Variants in RPS6KA1 observed in about 807,000 individuals in gnomAD.
The protein encoded by RPS6KA1 is ribosomal protein S6 kinase alpha-1.
Under a neutral mutation model 91.3 loss-of-function variants are expected in RPS6KA1, and 48 were observed. The ratio of observed to expected loss-of-function variants is 0.53; its 90% confidence interval spans 0.42 to 0.67. RPS6KA1 has a LOEUF of 0.67. Ranked by LOEUF, RPS6KA1 falls within the 30% of genes least tolerant of loss-of-function variation. RPS6KA1 has a pLI of 0.00. For synonymous variants in RPS6KA1, 359 were observed against 384.7 expected (o/e 0.93, Z 0.78); for missense variants, 719 against 960.5 (o/e 0.75, Z 3.32).
rs752698278 is a variant in RPS6KA1, at chr1:26,551,773, A to G, written c.468+50A>G. The G allele has an allele frequency of 8.1e-6, 12 of 1,486,884 alleles. No homozygotes were observed. Among genetic ancestry groups the G allele is most frequent in the Admixed American group, 1.7e-5 (1 of 59,688 alleles). 92.1% of individuals were successfully genotyped at this position (1,486,884 alleles called of 1,614,324 possible). On this transcript the variant is annotated intron_variant, in intron 6 of 21. Coordinates refer to ENST00000374168, the MANE Select transcript of RPS6KA1 (RefSeq NM_002953.4). The surrounding 1 kb of genome is among the most constrained non-coding windows in gnomAD (Gnocchi z 4.5). ...GGCCCCGGGATGGAGCTGAGGGACG[A>G]CAAGTCCTCCCATCCCAGGGCCCTG...
intron 1 of RPS6KA1, among the ~76,000 whole-genome samples, chr1:26,535,387 G>GC (rs1176456931): frequency 6.6e-6 from 1 of 152,026 alleles, no homozygotes; most frequent in Admixed American, 6.6e-5. Context: ...GGCTACAGCT[G>GC]CCCCATGGAC....
At chr1:26,536,193 C>G (rs1270110346) in intron 1 of RPS6KA1, among the ~76,000 whole-genome samples, 1 of 148,956 alleles carries the variant, frequency 6.7e-6, no homozygotes, top group Non-Finnish European at 1.5e-5. Context: ...GCCACAGGTG[C>G]GAGGCACTGA....
chr1:26,543,041 C>A, intron 2 of RPS6KA1: 1 of 1,087,528 alleles, frequency 9.2e-7, no homozygotes, highest in Non-Finnish European at 1.3e-6. Flanking sequence ...CCCCTCCTCC[C>A]TGCAGAGGGG....
At chr1:26,567,542 G>A (rs757077398) in intron 17 of RPS6KA1, among the ~76,000 whole-genome samples, 2 of 152,024 alleles carry the variant, frequency 1.3e-5, no homozygotes, top group East Asian at 1.9e-4. Context: ...CACCACGCCC[G>A]GCTAACTTTT....
rs2076085967 is a variant in RPS6KA1 at position 26,554,929 on chromosome 1, G to A, written c.756+191G>A. 6.6e-6 allele frequency among the ~76,000 whole-genome samples: 1 copy of A among 152,294 alleles called. No homozygotes were observed. Among genetic ancestry groups the A allele is most frequent in the African/African-American group, 2.4e-5 (1 of 41,568 alleles). On this transcript the variant is annotated intron_variant, in intron 9 of 21. Coordinates refer to ENST00000374168, the MANE Select transcript of RPS6KA1 (RefSeq NM_002953.4). This position sits in a 1 kb window ranked among gnomAD's most constrained non-coding sequence, Gnocchi z 4.6. ...CCAGGCTTGACCCCACCTGGGACGCGCCTAACCCAGTGCTGGCCTTCTCCC... is the reference window on the plus strand; with the variant it reads ...CCAGGCTTGACCCCACCTGGGACGCACCTAACCCAGTGCTGGCCTTCTCCC...
rs2075853570 is a variant in RPS6KA1, at chr1:26,529,772, G to C, written c.-149G>C. On this transcript the variant is annotated 5_prime_UTR_variant, in exon 1 of 22. Coordinates refer to ENST00000374168, the MANE Select transcript of RPS6KA1 (RefSeq NM_002953.4). The surrounding 1 kb of genome is among the most constrained non-coding windows in gnomAD (Gnocchi z 4.2). ...TGACGGAGGGAGCCGAAGTGCTAGT[G>C]CCGCGGCGGCGGCGGCGGACGGCCC... 5 of 402,080 alleles carry C rather than the reference G, an allele frequency of 1.2e-5. No individual in the cohort carries two copies. The South Asian group carries it at 5.4e-4, about 43-fold the overall frequency. The allele number at this position is 402,080 out of a possible 1,614,324, so 24.9% of individuals were successfully genotyped here.
intron 4 of RPS6KA1, among the ~76,000 whole-genome samples, chr1:26,550,532 T>C (rs1343683471): frequency 2.0e-5 from 3 of 151,936 alleles, no homozygotes; most frequent in Non-Finnish European, 4.4e-5. Context: ...TTGGCCAGGC[T>C]AGTCTCGAAC....
chr1:26,539,316 A>G (rs1381864320), intron 2 of RPS6KA1, among the ~76,000 whole-genome samples: 4 of 152,208 alleles, frequency 2.6e-5, no homozygotes, highest in Admixed American at 1.3e-4. Context: ...GGTGGGCTCT[A>G]GGGCACAGGC....
intron 2 of RPS6KA1, among the ~76,000 whole-genome samples, chr1:26,538,713 G>T (rs1259226802): frequency 6.6e-6 from 1 of 152,206 alleles, no homozygotes; most frequent in African/African-American, 2.4e-5. Context: ...GACAAGTCTT[G>T]TTTGGCTTCA....
Position 26,560,790 on chromosome 1 carries a change from G to A in RPS6KA1, c.1280G>A (p.Gly427Asp). 1 of 1,614,186 alleles carries A rather than the reference G, an allele frequency of 6.2e-7. No individual in the cohort carries two copies. The highest frequency in any genetic ancestry group is 8.5e-7 in the Non-Finnish European group (1 of 1,180,024). The change falls in exon 15 of 22, where the codon GGC becomes GAC. Residue 427 changes from glycine (G) to aspartate (D), a missense_variant. Gly to Asp is a moderately conservative substitution (Grantham distance 94). Coordinates refer to ENST00000374168, the MANE Select transcript of RPS6KA1 (RefSeq NM_002953.4). The stretch of plus-strand genomic sequence containing the variant: ...GTGGTAAAGGAGACAATTGGTGTGG[G>A]CTCCTACTCTGAGTGCAAGCGCTGT... ...GYVVKETIGV[G>D]SYSECKRCVH...
chr1:26,543,048 G>T, intron 2 of RPS6KA1: 2 of 1,147,256 alleles, frequency 1.7e-6, no homozygotes, highest in Non-Finnish European at 2.5e-6. Context: ...TCCCTGCAGA[G>T]GGGGAAGTGA....
chr1:26,555,110 A>C lies in RPS6KA1; in HGVS notation c.757-41A>C, dbSNP rs779913946. The C allele has an allele frequency of 1.9e-6, 3 of 1,595,166 alleles. No individual in the cohort carries two copies. Among genetic ancestry groups the C allele is most frequent in the Non-Finnish European group, 2.6e-6 (3 of 1,163,224 alleles). On this transcript the variant is annotated intron_variant, in intron 9 of 21. Transcript: ENST00000374168. This position sits in a 1 kb window ranked among gnomAD's most constrained non-coding sequence, Gnocchi z 4.3. ...TGGGAGGAGGCGGGAGGTGTGTCGG[A>C]GACAGGGATCAGAGCCTGAATAGAT...
In RPS6KA1 at chr1:26,554,522, G is replaced by T; in HGVS notation, c.614-74G>T. On this transcript the variant is annotated intron_variant, in intron 8 of 21. Transcript: ENST00000374168. The surrounding 1 kb of genome is among the most constrained non-coding windows in gnomAD (Gnocchi z 4.6). ...ATGCCTTCTGGCCTCTGGGCACGGG[G>T]GTTGGGTGTGCAAAGGGTGGCAGCA... 1.3e-6 allele frequency: 2 copies of T among 1,544,708 alleles called. No homozygotes were observed. The highest frequency in any genetic ancestry group is 1.9e-5 in the Admixed American group (1 of 53,838).
chr1:26,572,474 G>A (rs1374575249), intron 20 of RPS6KA1, among the ~76,000 whole-genome samples, 181 bp downstream of exon 20: 1 of 151,970 alleles, frequency 6.6e-6, no homozygotes, highest in East Asian at 1.9e-4. Context: ...GTACCTTGTT[G>A]GGGTAACCTG....
chr1:26,541,081 C>T (rs1320948622), intron 2 of RPS6KA1, among the ~76,000 whole-genome samples: 3 of 151,922 alleles, frequency 2.0e-5, no homozygotes, highest in East Asian at 1.9e-4. Flanking sequence ...TGAGCCACCG[C>T]GCCCGGCCCT....
At position 26,529,986 on chromosome 1, in the gene RPS6KA1, G is replaced by C. The variant is rs1176739607; in HGVS notation, c.63+3G>C. The C allele has an allele frequency of 1.4e-6, 2 of 1,396,326 alleles. No homozygotes were observed. The highest frequency in any genetic ancestry group is 2.6e-4 in the Middle Eastern group (1 of 3,804). The allele number at this position is 1,396,326 out of a possible 1,614,324, so 86.5% of individuals were successfully genotyped here. ...AGCTAGTGCCTCTGGACCCGGAGGT[G>C]AGTGAGCGGGGCGGGGGACGGGCGC... On this transcript the variant is annotated splice_donor_region_variant and intron_variant, in intron 1 of 21. Coordinates refer to ENST00000374168, the MANE Select transcript of RPS6KA1 (RefSeq NM_002953.4). This position sits in a 1 kb window ranked among gnomAD's most constrained non-coding sequence, Gnocchi z 4.2.
rs1166893926 is a variant in RPS6KA1, at chr1:26,547,307, T to TG, written c.307+39dup. 1 of 1,586,744 alleles carries TG rather than the reference T, an allele frequency of 6.3e-7. No homozygotes were observed. The highest frequency in any genetic ancestry group is 1.7e-5 in the Admixed American group (1 of 58,722). The stretch of plus-strand genomic sequence containing the variant: ...CACCTCCCTGTGCAGAACCCAGGCT[T>TG]GGCTGAGGGAGGCAGCCCAGACTTC... On this transcript the variant is annotated intron_variant, in intron 4 of 21. Coordinates refer to ENST00000374168, the MANE Select transcript of RPS6KA1 (RefSeq NM_002953.4). The surrounding 1 kb of genome is among the most constrained non-coding windows in gnomAD (Gnocchi z 4.1).
chr1:26,561,126 C>T lies in RPS6KA1; in HGVS notation c.1423C>T (p.Leu475=). The change falls in exon 16 of 22, where the codon CTG becomes TTG. Residue 475 remains leucine (L), a synonymous_variant. Transcript: ENST00000374168. This position sits in a 1 kb window ranked among gnomAD's most constrained non-coding sequence, Gnocchi z 5.7. ...TGGCCAGCACCCCAACATCATCACT[C>T]TGAAAGATGTGAGTGGGGGTCCTTA... ...RYGQHPNIIT[L]KDVYDDGKHV... 1.2e-6 allele frequency: 2 copies of T among 1,613,158 alleles called. No homozygotes were observed. Among genetic ancestry groups the T allele is most frequent in the South Asian group, 1.1e-5 (1 of 91,058 alleles).
Position 26,574,226 on chromosome 1 carries a change from G to T in RPS6KA1, c.*25G>T. 1 of 1,613,796 alleles carries T rather than the reference G, an allele frequency of 6.2e-7. No individual in the cohort carries two copies. The highest frequency in any genetic ancestry group is 1.1e-5 in the South Asian group (1 of 91,068). Reference sequence around the variant, plus strand: ...AGGCACCAGGGCATTCGGGCCACAGGGCGGTGCTAGCTTGACACAGTCAGC... The same window carrying T: ...AGGCACCAGGGCATTCGGGCCACAGTGCGGTGCTAGCTTGACACAGTCAGC... On this transcript the variant is annotated 3_prime_UTR_variant, in exon 22 of 22. Coordinates refer to ENST00000374168, the MANE Select transcript of RPS6KA1 (RefSeq NM_002953.4). This position sits in a 1 kb window ranked among gnomAD's most constrained non-coding sequence, Gnocchi z 4.3.
Sources: gnomAD v4.1 joint callset for allele counts (sites outside exome capture counted in the v4.1 genomes callset) on GRCh38, gnomAD v4.1.1 for gene constraint, Gnocchi (gnomAD v3.1) non-coding constraint, MANE v1.5 for transcripts, NCBI Gene and HGNC (gene_info 2026-07-23, HGNC 2026-07-21) for gene names.